The following EXPH5 variants were observed in gnomAD, a reference collection of about 807,000 sequenced individuals.
EXPH5 encodes exophilin-5.
In EXPH5, 42 loss-of-function variants were observed where a neutral mutation model predicts 41.1. The ratio of observed to expected loss-of-function variants is 1.02; its 90% CI spans 0.80 to 1.32. EXPH5 has a LOEUF of 1.32. Ranked by LOEUF, EXPH5 falls within the 40% of genes most tolerant of loss-of-function variation. The probability of loss-of-function intolerance (pLI) is 0.00; values close to 1 mark genes in which losing one functional copy is unlikely to be tolerated. For missense variants in EXPH5, 2,298 were observed against 2,314.5 expected (o/e 0.99, Z 0.15); for synonymous variants, 798 against 833.5 (o/e 0.96, Z 0.73).
rs995412618 is a variant in EXPH5, at chr11:108,558,161, T to G, written c.120-16349A>C. On this transcript the variant is annotated intron_variant, in intron 1 of 5. Transcript: ENST00000265843. ...TTTCACCATGTTGTCCAGGCTGGTCTTGAACTCCTGACCTCAAGTGATCCC... is the reference window on the plus strand; with the variant it reads ...TTTCACCATGTTGTCCAGGCTGGTCGTGAACTCCTGACCTCAAGTGATCCC... 5.9e-5 allele frequency among the ~76,000 whole-genome samples: 9 copies of G among 152,290 alleles called. No individual in the cohort carries two copies. The East Asian group carries it at 1.7e-3, about 29-fold the overall frequency.
intron 1 of EXPH5, among the ~76,000 whole-genome samples, chr11:108,550,495 G>A (rs1427420850): frequency 2.6e-5 from 4 of 152,150 alleles, no homozygotes; most frequent in Non-Finnish European, 5.9e-5. Flanking sequence ...ATTTTGGGGT[G>A]AGACTGGGAG....
intron 1 of EXPH5, among the ~76,000 whole-genome samples, chr11:108,584,641 G>A (rs2094108287): frequency 6.6e-6 from 1 of 152,116 alleles, no homozygotes; most frequent in South Asian, 2.1e-4. Context: ...TTTTTACAAA[G>A]GGGCAAAAGC....
intron 5 of EXPH5, among the ~76,000 whole-genome samples, chr11:108,517,529 G>C (rs897728448): frequency 1.3e-5 from 2 of 152,184 alleles, no homozygotes; most frequent in African/African-American, 4.8e-5. Context: ...AAATGGCCGG[G>C]CTTATATAGA....
At chr11:108,531,005 G>T (rs558721329) in intron 3 of EXPH5, among the ~76,000 whole-genome samples, 13 of 152,230 alleles carry the variant, frequency 8.5e-5, no homozygotes, top group African/African-American at 3.1e-4. Context: ...AGCAACAGTG[G>T]TATCATGAAA....
chr11:108,510,995 C>T lies in EXPH5; in HGVS notation c.4512G>A (p.Glu1504=). Residue 1504 remains glutamate (E), a synonymous_variant, in exon 6 of 6, where the codon GAG becomes GAA. Coordinates refer to ENST00000265843, the MANE Select transcript of EXPH5 (RefSeq NM_015065.3). ...CTGGAGTAAGGGCAAAGACTTGACT[C>T]TCTGAGTGAGAAAGTGTTTTATTAG... ...KMTNKTLSHS[E]SQVFALTPAL... is the part of the protein sequence containing the mutation. The T allele has an allele frequency of 6.2e-7, 1 of 1,614,178 alleles. No individual in the cohort carries two copies. Among genetic ancestry groups the T allele is most frequent in the South Asian group, 1.1e-5 (1 of 91,068 alleles).
At position 108,511,420 on chromosome 11, in the gene EXPH5, CT is replaced by C; in HGVS notation, c.4086del (p.Ala1363LeufsTer9). The C allele has an allele frequency of 6.3e-7, 1 of 1,591,038 alleles. No individual in the cohort carries two copies. The highest frequency in any genetic ancestry group is 8.5e-7 in the Non-Finnish European group (1 of 1,171,516). On this transcript the variant is annotated frameshift_variant, in exon 6 of 6. Transcript: ENST00000265843. LOFTEE classifies it low-confidence loss of function (END_TRUNC). The part of the protein sequence containing the change: ...AAVSLPEEES[K>X]AREIFSDNLA... ...AAATTATCTGAAAAAATCTCTCTAGCTTTAGATTCCTCTTCAGGAAGAGAAA... is the reference window on the plus strand; with the variant it reads ...AAATTATCTGAAAAAATCTCTCTAGCTTAGATTCCTCTTCAGGAAGAGAAA...
In EXPH5 at chr11:108,517,824, T is replaced by C. The variant is rs969343840; in HGVS notation, c.631+411A>G. On this transcript the variant is annotated intron_variant, in intron 5 of 5. Transcript: ENST00000265843. ...CCCAGGCTGGAGTGCAGTGGCATGA[T>C]CTCGGCTCATTGCAACCTCCGCCTC... 1.3e-4 allele frequency among the ~76,000 whole-genome samples: 20 copies of C among 152,202 alleles called. No homozygotes were observed. In the South Asian group the frequency reaches 2.7e-3, roughly 21 times the overall value.
intron 5 of EXPH5, among the ~76,000 whole-genome samples, chr11:108,515,622 G>C (rs1205636291): frequency 1.3e-5 from 2 of 151,984 alleles, no homozygotes; most frequent in Admixed American, 6.6e-5. Context: ...TTAGAAGGTT[G>C]GTCCTATTAC....
At chr11:108,563,829 G>T (rs1259708801) in intron 1 of EXPH5, among the ~76,000 whole-genome samples, 2 of 152,234 alleles carry the variant, frequency 1.3e-5, no homozygotes, top group African/African-American at 4.8e-5. Context: ...TCTGCAGCAA[G>T]CGGTGGCTGT....
At chr11:108,527,550 C>T (rs976997214) in intron 4 of EXPH5, among the ~76,000 whole-genome samples, 6 of 152,176 alleles carry the variant, frequency 3.9e-5, no homozygotes, top group African/African-American at 7.2e-5. Context: ...CCAAACCATA[C>T]GAGTTACACA....
At chr11:108,595,666 A>G (rs892716448), upstream of EXPH5, among the ~76,000 whole-genome samples, 7 of 152,238 alleles carry the variant, frequency 4.6e-5, no homozygotes, top group African/African-American at 1.7e-4. Flanking sequence ...ACACAGATAC[A>G]CAGTATATCT....
chr11:108,593,166 C>G (rs544620483), intron 1 of EXPH5, among the ~76,000 whole-genome samples: 3 of 152,232 alleles, frequency 2.0e-5, no homozygotes, highest in African/African-American at 4.8e-5. Context: ...CGGACCCCCC[C>G]ACCCTGCCCG....
chr11:108,568,175 T>TTTGGGG (rs71875609), intron 1 of EXPH5: 1 of 102,894 alleles, frequency 9.7e-6, no homozygotes, highest in African/African-American at 4.6e-5. Context: ...TTACTTTTTT[T>TTTGGGG]GGGAGGGGGG....
Position 108,512,884 on chromosome 11 carries a change from C to T in EXPH5, c.2623G>A (p.Asp875Asn). Residue 875 changes from aspartate to asparagine, a missense_variant, in exon 6 of 6, where the codon GAT becomes AAT. Asp to Asn is a conservative substitution (Grantham distance 23, BLOSUM62 1). Coordinates refer to ENST00000265843, the MANE Select transcript of EXPH5 (RefSeq NM_015065.3). Reference protein sequence around the residue: ...KLTPGHKTSCDSLDLSSAALP... With the variant: ...KLTPGHKTSCNSLDLSSAALP... ...GCAGCTGATGACAGATCTAAAGAAT[C>T]ACACGAGGTCTTGTGGCCAGGAGTT... 6.2e-7 allele frequency: 1 copy of T among 1,614,050 alleles called. No individual in the cohort carries two copies. Among genetic ancestry groups the T allele is most frequent in the East Asian group, 2.2e-5 (1 of 44,886 alleles).
Position 108,512,858 on chromosome 11 carries a change from T to G in EXPH5, c.2649A>C (p.Ala883=). ...SCDSLDLSSA[A]LPDSSPSKNS... is the part of the protein sequence containing the mutation. ...TCTTTGATGGTGAGGAATCTGGTAG[T>G]GCAGCTGATGACAGATCTAAAGAAT... The change falls in exon 6 of 6, where the codon GCA becomes GCC. Residue 883 remains alanine (A), a synonymous_variant. Coordinates refer to ENST00000265843, the MANE Select transcript of EXPH5 (RefSeq NM_015065.3). 1 of 1,614,180 alleles carries G rather than the reference T, an allele frequency of 6.2e-7. No individual in the cohort carries two copies. The highest frequency in any genetic ancestry group is 8.5e-7 in the Non-Finnish European group (1 of 1,179,982).
chr11:108,532,361 TATA>T (rs1189734929), intron 3 of EXPH5, among the ~76,000 whole-genome samples: 11 of 20,968 alleles, frequency 5.2e-4, no homozygotes, highest in African/African-American at 3.5e-3. Context: ...TATATATATA[TATA>T]TATTTTTTTT....
chr11:108,547,116 T>C (rs2093942103), intron 1 of EXPH5, among the ~76,000 whole-genome samples: 1 of 152,136 alleles, frequency 6.6e-6, no homozygotes. Context: ...TTTTCTATTT[T>C]TACAGTGCCT....
rs80211118 is a variant in EXPH5 at position 108,532,708 on chromosome 11, G to T, written c.444-4524C>A. On this transcript the variant is annotated intron_variant, in intron 3 of 5. Transcript: ENST00000265843. ...CTTCACTCAGACCATCCTCTCTGCCGATGAAAGCCCAGCCTGCCATAGAAA... is the reference window on the plus strand; with the variant it reads ...CTTCACTCAGACCATCCTCTCTGCCTATGAAAGCCCAGCCTGCCATAGAAA... Among the ~76,000 whole-genome samples, 829 of 152,172 alleles carry T rather than the reference G, an allele frequency of 5.4e-3. 5 individuals carry two copies. Among genetic ancestry groups the T allele is most frequent in the African/African-American group, 0.019 (792 of 41,498 alleles).
intron 1 of EXPH5, among the ~76,000 whole-genome samples, chr11:108,572,759 A>G (rs1341751526): frequency 1.3e-5 from 2 of 151,922 alleles, no homozygotes; most frequent in African/African-American, 4.8e-5. Flanking sequence ...GGGTTTCACC[A>G]TGTTGGCCAG....
Sources: allele counts gnomAD v4.1 joint callset (sites outside exome capture counted in the v4.1 genomes callset), GRCh38; gene constraint gnomAD v4.1.1; transcripts MANE v1.5; gene names NCBI Gene and HGNC (gene_info 2026-07-23, HGNC 2026-07-21).